Variants in CUL2 observed in about 807,000 individuals in gnomAD.
CUL2 encodes the protein cullin-2.
In CUL2, 22 loss-of-function variants were observed where a neutral mutation model predicts 110.2. That is an observed-to-expected ratio of 0.20 (90% CI 0.14 to 0.28). The LOEUF is 0.28. CUL2 is among the 10% of genes least tolerant of loss of function. The pLI is 1.00. For missense variants in CUL2, 631 were observed against 905.5 expected, an observed-to-expected ratio of 0.70 and a Z score of 3.89; for synonymous variants, 279 against 293.2, an observed-to-expected ratio of 0.95 and a Z score of 0.49.
chr10:35,016,402 T>A lies in CUL2; in HGVS notation c.1685-8A>T, dbSNP rs749671105. 6.3e-7 allele frequency: 1 copy of A among 1,582,456 alleles called. No homozygotes were observed. The highest frequency in any genetic ancestry group is 1.8e-5 in the Admixed American group (1 of 57,036). ...AGTTCATTTTAACTTCACCTACAATTAAAACAAAAACTGACAGTGAATTGA... is the reference window on the plus strand; with the variant it reads ...AGTTCATTTTAACTTCACCTACAATAAAAACAAAAACTGACAGTGAATTGA... On this transcript the variant is annotated splice_polypyrimidine_tract_variant and splice_region_variant and intron_variant, in intron 17 of 20. Coordinates refer to ENST00000374749, the MANE Select transcript of CUL2 (RefSeq NM_003591.4).
At chr10:35,107,084 C>T (rs1342002118) in intron 1 of CUL2, among the ~76,000 whole-genome samples, 1 of 152,120 alleles carries the variant, frequency 6.6e-6, no homozygotes, top group Non-Finnish European at 1.5e-5. Flanking sequence ...ACACCATTCT[C>T]CTGCCTCAGC....
At chr10:35,107,030 A>G (rs1182906842) in intron 1 of CUL2, among the ~76,000 whole-genome samples, 4 of 151,780 alleles carry the variant, frequency 2.6e-5, no homozygotes, top group Non-Finnish European at 5.9e-5. Flanking sequence ...AGTAGAGTGC[A>G]GTGGCATGAT....
At chr10:35,058,129 A>AT (rs1340896910) in intron 4 of CUL2, among the ~76,000 whole-genome samples, 2 of 152,136 alleles carry the variant, frequency 1.3e-5, no homozygotes, top group African/African-American at 2.4e-5. Flanking sequence ...AAAAAAGAAC[A>AT]TTTATGATTC....
chr10:35,022,276 T>G (rs928210695), intron 17 of CUL2, among the ~76,000 whole-genome samples: 1 of 152,196 alleles, frequency 6.6e-6, no homozygotes, highest in Non-Finnish European at 1.5e-5. Context: ...AGCTAATAAG[T>G]TGTGAGCTAA....
At chr10:35,089,524 C>T (rs1358678759) in intron 1 of CUL2, among the ~76,000 whole-genome samples, 3 of 152,142 alleles carry the variant, frequency 2.0e-5, no homozygotes, top group Non-Finnish European at 4.4e-5. Context: ...GGGTACTGGC[C>T]TTCAACTGTT....
At chr10:35,039,556 G>T (rs2085724188) in intron 8 of CUL2, among the ~76,000 whole-genome samples, 1 of 152,174 alleles carries the variant, frequency 6.6e-6, no homozygotes, top group Non-Finnish European at 1.5e-5. Context: ...CCATATTAAA[G>T]ATTTAATTAA....
At position 35,009,292 on chromosome 10, in the gene CUL2, T is replaced by C. The variant is rs1185975362; in HGVS notation, c.*1019A>G. 1 of 150,922 alleles carries C rather than the reference T, an allele frequency of 6.6e-6. No homozygotes were observed. The highest frequency in any genetic ancestry group is 1.5e-5 in the Non-Finnish European group (1 of 67,814). The allele number at this position is 150,922 out of a possible 1,614,324, so 9.3% of individuals were successfully genotyped here. The stretch of plus-strand genomic sequence containing the variant: ...TGTACAATTTTCTTTTTTAAAAAAG[T>C]ATTTAGGTTATGCATTGCTAAGCAC... On this transcript the variant is annotated 3_prime_UTR_variant, in exon 21 of 21. Transcript: ENST00000374749.
At chr10:35,044,720 C>T (rs756240121) in intron 7 of CUL2, 44 bp from the exon 8 acceptor site, 2 of 1,583,266 alleles carry the variant, frequency 1.3e-6, no homozygotes, top group South Asian at 1.1e-5. Flanking sequence ...TTAGAACAAG[C>T]AGTTTAAGAA....
At chr10:35,103,614 C>T (rs1254178142) in intron 1 of CUL2, among the ~76,000 whole-genome samples, 12 of 151,992 alleles carry the variant, frequency 7.9e-5, no homozygotes, top group Admixed American at 4.6e-4. Flanking sequence ...TGAGCCACCG[C>T]GCCCGGCCTA....
chr10:35,107,548 T>C (rs934891441), intron 1 of CUL2, among the ~76,000 whole-genome samples: 3 of 152,008 alleles, frequency 2.0e-5, no homozygotes, highest in Non-Finnish European at 4.4e-5. Context: ...TTTTGTGCCA[T>C]GTTTATGTAT....
chr10:35,015,620 CA>C (rs1162025542), intron 18 of CUL2, among the ~76,000 whole-genome samples: 1 of 151,586 alleles, frequency 6.6e-6, no homozygotes, highest in Admixed American at 6.6e-5. Flanking sequence ...ACTATGACAA[CA>C]AAACAGCAAA....
intron 1 of CUL2, among the ~76,000 whole-genome samples, chr10:35,102,308 A>G (rs2087391321): frequency 6.6e-6 from 1 of 152,160 alleles, no homozygotes; most frequent in Non-Finnish European, 1.5e-5. Context: ...GCTGTGACTC[A>G]CACCTGCAAT....
Position 35,060,751 on chromosome 10 carries a change from G to T in CUL2, c.317+123C>A, listed in dbSNP as rs966890758. 16 of 756,808 alleles carry T rather than the reference G, an allele frequency of 2.1e-5. No homozygotes were observed. In the African/African-American group the frequency reaches 2.5e-4, roughly 12 times the overall value. 46.9% of individuals were successfully genotyped at this position (756,808 alleles called of 1,614,324 possible). Reference sequence around the variant, plus strand: ...TTCCCCACAGCAGAGAAAAGTCCATGTCAGAGAGAATGCTTTAGTTTTGCA... The same window carrying T: ...TTCCCCACAGCAGAGAAAAGTCCATTTCAGAGAGAATGCTTTAGTTTTGCA... On this transcript the variant is annotated intron_variant, in intron 4 of 20. Coordinates refer to ENST00000374749, the MANE Select transcript of CUL2 (RefSeq NM_003591.4).
chr10:35,115,238 AAAAAT>A (rs1384784521), intron 1 of CUL2, among the ~76,000 whole-genome samples: 1 of 151,434 alleles, frequency 6.6e-6, no homozygotes, highest in African/African-American at 2.4e-5. Context: ...ATTCTGTCTA[AAAAAT>A]AAAATAAAAA....
intron 16 of CUL2, among the ~76,000 whole-genome samples, chr10:35,028,250 A>C (rs2085382330): frequency 6.6e-6 from 1 of 152,212 alleles, no homozygotes. Context: ...GTCCTAATTT[A>C]GCCTCCTATT....
chr10:35,102,256 TAATAAA>T (rs1479580271), intron 1 of CUL2, among the ~76,000 whole-genome samples: 2 of 150,808 alleles, frequency 1.3e-5, no homozygotes, highest in Non-Finnish European at 3.0e-5. Context: ...ATAATAACAT[TAATAAA>T]AATAAAAACA....
Position 35,010,024 on chromosome 10 carries a change from C to A in CUL2, c.*287G>T, listed in dbSNP as rs964084871. The A allele has an allele frequency of 1.2e-5, 2 of 173,246 alleles. No homozygotes were observed. The highest frequency in any genetic ancestry group is 2.4e-5 in the Non-Finnish European group (2 of 84,214). The allele number at this position is 173,246 out of a possible 1,614,324, so 10.7% of individuals were successfully genotyped here. On this transcript the variant is annotated 3_prime_UTR_variant, in exon 21 of 21. Transcript: ENST00000374749. ...AAAAAAAAGACACATCAACTGCAAA[C>A]GTGAAGGGGAGAAAAAGCATGGTAC...
intron 2 of CUL2, chr10:35,099,408 A>AT (rs2087345594): frequency 6.6e-6 from 1 of 151,826 alleles, no homozygotes; most frequent in African/African-American, 2.4e-5. Flanking sequence ...AAAAAAAAAA[A>AT]AATTAACTTG....
chr10:35,081,692 G>A (rs1030638962), intron 1 of CUL2, among the ~76,000 whole-genome samples: 3 of 152,018 alleles, frequency 2.0e-5, no homozygotes, highest in Admixed American at 1.3e-4. Context: ...CCAGGAGTTC[G>A]CAGCCAACCT....
Sources: allele counts gnomAD v4.1 joint callset (sites outside exome capture counted in the v4.1 genomes callset), GRCh38; gene constraint gnomAD v4.1.1; transcripts MANE v1.5; gene names NCBI Gene and HGNC (gene_info 2026-07-23, HGNC 2026-07-21).